The following KIFBP variants were observed in gnomAD, a reference collection of about 807,000 sequenced individuals.
The protein encoded by KIFBP is kinesin family binding protein.
A neutral mutation model predicts 58.9 loss-of-function variants in KIFBP; 46 were observed. The ratio of observed to expected loss-of-function variants is 0.78; its 90% CI spans 0.62 to 1.00. The LOEUF (loss-of-function observed/expected upper bound fraction) is 1.00, where lower values mean the gene tolerates loss of function less well. Among genes scored for constraint, KIFBP ranks in the 50% least tolerant of loss-of-function variants. The pLI, the probability that KIFBP is intolerant of heterozygous loss-of-function variation, is 0.00. For missense variants in KIFBP, 651 were observed against 752.9 expected (o/e 0.86, Z 1.58); for synonymous variants, 241 against 283.4 (o/e 0.85, Z 1.50).
intron 6 of KIFBP, 59 bp from the exon 7 acceptor site, chr10:69,015,482 T>C (rs1438201094): frequency 6.5e-7 from 1 of 1,528,012 alleles, no homozygotes; most frequent in Non-Finnish European, 9.0e-7. Context: ...GCTTTAATAT[T>C]ATTTAACAGC....
chr10:68,988,815 C>T lies in KIFBP; in HGVS notation c.-18C>T. The T allele has an allele frequency of 6.2e-7, 1 of 1,614,260 alleles. No homozygotes were observed. Among genetic ancestry groups the T allele is most frequent in the Non-Finnish European group, 8.5e-7 (1 of 1,180,050 alleles). On this transcript the variant is annotated 5_prime_UTR_variant, in exon 1 of 7. Coordinates refer to ENST00000361983, the MANE Select transcript of KIFBP (RefSeq NM_015634.4). ...CCCGACTGCAAACATTGAGGAAAGC[C>T]AGGCAGTAGAGGCCGCTATGGCGAA...
At chr10:69,015,480 A>G in intron 6 of KIFBP, 61 bp from the exon 7 acceptor site, 1 of 1,522,814 alleles carries the variant, frequency 6.6e-7, no homozygotes, top group Non-Finnish European at 9.0e-7. Context: ...TTGCTTTAAT[A>G]TTATTTAACA....
At chr10:68,989,359 G>A (rs1843315973) in intron 1 of KIFBP, 101 bp downstream of exon 1, 3 of 1,321,576 alleles carry the variant, frequency 2.3e-6, no homozygotes, top group Non-Finnish European at 3.2e-6. Flanking sequence ...GGCGCAATTC[G>A]TCCCCACGTT....
chr10:69,015,311 G>A lies in KIFBP; in HGVS notation c.991-230G>A, dbSNP rs1238597856. 1.8e-5 allele frequency: 9 copies of A among 496,332 alleles called. No individual in the cohort carries two copies. The East Asian group carries it at 2.8e-4, about 16-fold the overall frequency. 30.7% of individuals were successfully genotyped at this position (496,332 alleles called of 1,614,324 possible). On this transcript the variant is annotated intron_variant, in intron 6 of 6. Transcript: ENST00000361983. The stretch of plus-strand genomic sequence containing the variant: ...TTCAGTTCCTCAGAATAAATGATAT[G>A]TAAGCAGCTTGTCTATTTAAATACT...
chr10:69,005,430 C>A (rs1204271480), intron 3 of KIFBP, among the ~76,000 whole-genome samples: 1 of 152,152 alleles, frequency 6.6e-6, no homozygotes, highest in Non-Finnish European at 1.5e-5. Context: ...GTAATCCCAG[C>A]ACTTTGGGAG....
At chr10:69,010,110 G>A (rs985537057) in intron 5 of KIFBP, among the ~76,000 whole-genome samples, 2 of 151,988 alleles carry the variant, frequency 1.3e-5, no homozygotes, top group African/African-American at 2.4e-5. Flanking sequence ...AAGTAATATC[G>A]TGAGATATTA....
rs779684131 is a variant in KIFBP at position 69,016,132 on chromosome 10, A to G, written c.1582A>G (p.Asn528Asp). The G allele has an allele frequency of 6.8e-5, 109 of 1,614,064 alleles. No individual in the cohort carries two copies. Among genetic ancestry groups the G allele is most frequent in the Non-Finnish European group, 9.0e-5 (106 of 1,180,046 alleles). The change falls in exon 7 of 7, where the codon AAT becomes GAT. Residue 528 changes from asparagine to aspartate, a missense_variant. Asn to Asp is a conservative substitution (Grantham distance 23, BLOSUM62 1). Coordinates refer to ENST00000361983, the MANE Select transcript of KIFBP (RefSeq NM_015634.4). ...QLFLDSLRDP[N>D]KVFPEHIGED... ...CTTCTTAGACTCCCTGAGAGACCCAAATAAAGTATTCCCTGAGCATATAGG... is the reference window on the plus strand; with the variant it reads ...CTTCTTAGACTCCCTGAGAGACCCAGATAAAGTATTCCCTGAGCATATAGG...
At chr10:69,010,844 C>G (rs1843582223) in intron 5 of KIFBP, 56 bp from the exon 6 acceptor site, 6 of 1,119,326 alleles carry the variant, frequency 5.4e-6, no homozygotes, top group Non-Finnish European at 1.4e-6. Flanking sequence ...ATTACAGTAC[C>G]CAATGAAAAT....
chr10:69,000,168 A>C (rs1843450312), intron 1 of KIFBP, among the ~76,000 whole-genome samples: 1 of 152,192 alleles, frequency 6.6e-6, no homozygotes, highest in South Asian at 2.1e-4. Flanking sequence ...TGAGAAGCAC[A>C]TCACTAAAAC....
intron 1 of KIFBP, chr10:68,991,362 G>A (rs145036577): frequency 1.5e-4 from 41 of 280,976 alleles, no homozygotes; most frequent in Non-Finnish European, 4.5e-5. Context: ...ATTGGAACTG[G>A]TGTTGATCGG....
Position 69,015,902 on chromosome 10 carries a change from TAG to T in KIFBP, c.1353_1354del (p.Ala452HisfsTer24), listed in dbSNP as rs1379096657. Reference sequence around the variant, plus strand: ...CGGTGCAAGATGCATAAACGCAGAATAGCCATGCTAGAGCCCCTAACTGTAGA... The same window carrying T: ...CGGTGCAAGATGCATAAACGCAGAATCCATGCTAGAGCCCCTAACTGTAGA... On this transcript the variant is annotated frameshift_variant, in exon 7 of 7. Coordinates refer to ENST00000361983, the MANE Select transcript of KIFBP (RefSeq NM_015634.4). LOFTEE classifies it high-confidence loss of function. 7 of 1,614,070 alleles carry T rather than the reference TAG, an allele frequency of 4.3e-6. No individual in the cohort carries two copies. Among genetic ancestry groups the T allele is most frequent in the Non-Finnish European group, 5.9e-6 (7 of 1,180,050 alleles).
At chr10:68,991,030 G>C (rs1033479995) in intron 1 of KIFBP, 2 of 152,162 alleles carry the variant, frequency 1.3e-5, no homozygotes, top group African/African-American at 4.8e-5. Flanking sequence ...TAGCACTTTG[G>C]GAGGCTGGGA....
intron 4 of KIFBP, among the ~76,000 whole-genome samples, chr10:69,006,141 C>T (rs957530005): frequency 6.6e-6 from 1 of 152,184 alleles, no homozygotes; most frequent in African/African-American, 2.4e-5. Flanking sequence ...CATTGTTTTA[C>T]ATGTTACCTA....
In KIFBP at chr10:69,015,745, G is replaced by T. The variant is rs753004563; in HGVS notation, c.1195G>T (p.Gly399Cys). 20 of 1,614,162 alleles carry T rather than the reference G, an allele frequency of 1.2e-5. No individual in the cohort carries two copies. Among genetic ancestry groups the T allele is most frequent in the Non-Finnish European group, 1.7e-5 (20 of 1,180,022 alleles). ...AGAAGCCAGAGAACTTTTCTTATTG[G>T]GTCAGCACTATGTCTTTGAGGCAAA... ...FEEARELFLL[G>C]QHYVFEAKEF... Residue 399 changes from glycine (G) to cysteine (C), a missense_variant, in exon 7 of 7, where the codon GGT (glycine) becomes TGT (cysteine). Transcript: ENST00000361983.
At chr10:69,006,009 G>T in intron 4 of KIFBP, 94 bp downstream of exon 4, 1 of 1,199,792 alleles carries the variant, frequency 8.3e-7, no homozygotes, top group Non-Finnish European at 1.2e-6. Flanking sequence ...TTTAAAAACA[G>T]GTAGCTTGTA....
intron 1 of KIFBP, among the ~76,000 whole-genome samples, chr10:68,996,347 G>A (rs1050868141): frequency 1.3e-5 from 2 of 152,088 alleles, no homozygotes; most frequent in African/African-American, 4.8e-5. Flanking sequence ...GATCACCTAA[G>A]GTCAGGAGTT....
intron 2 of KIFBP, among the ~76,000 whole-genome samples, chr10:69,001,737 G>A (rs1843468223): frequency 6.7e-6 from 1 of 148,824 alleles, no homozygotes. Context: ...GGGCGACAGT[G>A]AGACCCTGTC....
At position 69,000,532 on chromosome 10, in the gene KIFBP, A is replaced by G. The variant is rs1207267534; in HGVS notation, c.525+10A>G. The stretch of plus-strand genomic sequence containing the variant: ...TCAGTATATGAAAGAGGTATGTTAC[A>G]TGTCAGATGAGTTTTAAGTTTTGAT... On this transcript the variant is annotated intron_variant, in intron 2 of 6. Transcript: ENST00000361983. 2 of 1,491,912 alleles carry G rather than the reference A, an allele frequency of 1.3e-6. No homozygotes were observed. The highest frequency in any genetic ancestry group is 2.3e-5 in the East Asian group (1 of 44,236). 92.4% of individuals were successfully genotyped at this position (1,491,912 alleles called of 1,614,324 possible).
At chr10:69,013,297 C>G (rs1843612961) in intron 6 of KIFBP, among the ~76,000 whole-genome samples, 1 of 152,154 alleles carries the variant, frequency 6.6e-6, no homozygotes, top group Non-Finnish European at 1.5e-5. Flanking sequence ...CTCAACACAT[C>G]AGAAGCATAG....
Sources: gnomAD v4.1 joint callset for allele counts (sites outside exome capture counted in the v4.1 genomes callset) on GRCh38, gnomAD v4.1.1 for gene constraint, MANE v1.5 for transcripts, NCBI Gene and HGNC (gene_info 2026-07-23, HGNC 2026-07-21) for gene names.